RECQL5: variants seen among roughly 807,000 people sequenced by gnomAD.
The protein encoded by RECQL5 is RecQ like helicase 5, also known as ATP-dependent DNA helicase Q5.
A neutral mutation model predicts 103.4 loss-of-function variants in RECQL5; 88 were observed. The observed-to-expected ratio is 0.85, with a 90% CI of 0.72 to 1.02. The LOEUF is 1.02. Ranked by LOEUF, RECQL5 falls within the 50% of genes least tolerant of loss-of-function variation. The pLI, the probability that RECQL5 is intolerant of heterozygous loss-of-function variation, is 0.00. For missense variants in RECQL5, 1,232 were observed against 1,284.3 expected (o/e 0.96, Z 0.62); for synonymous variants, 552 against 507.9 (o/e 1.09, Z -1.17).
chr17:75,628,636 T>C, intron 17 of RECQL5, 36 bp downstream of exon 17: 1 of 1,559,486 alleles, frequency 6.4e-7, no homozygotes, highest in Non-Finnish European at 8.6e-7. Context: ...CCCACAGCCC[T>C]TCTCTCCTCC....
chr17:75,662,945 G>A lies in RECQL5; in HGVS notation c.305C>T (p.Ser102Leu), dbSNP rs945091698. The change falls in exon 4 of 20, where the codon TCG (serine) becomes TTG (leucine). Residue 102 changes from serine (S) to leucine (L), a missense_variant. Physicochemically the swap from Ser to Leu is moderately radical, Grantham distance 145. Coordinates refer to ENST00000317905, the MANE Select transcript of RECQL5 (RefSeq NM_004259.7). Reference sequence around the variant, plus strand: ...CTTCCTTTCCTGTGCAGAGAGCTTCGAGTTCAGGGAACTTACTCGTACCTT... The same window carrying A: ...CTTCCTTTCCTGTGCAGAGAGCTTCAAGTTCAGGGAACTTACTCGTACCTT... Reference protein sequence around the residue: ...TLKVRVSSLNSKLSAQERKEL... With the variant: ...TLKVRVSSLNLKLSAQERKEL... 65 of 1,613,764 alleles carry A rather than the reference G, an allele frequency of 4.0e-5. No individual in the cohort carries two copies. Among genetic ancestry groups the A allele is most frequent in the Admixed American group, 2.0e-4 (12 of 59,954 alleles).
intron 8 of RECQL5, among the ~76,000 whole-genome samples, chr17:75,648,139 T>C (rs1428611654): frequency 7.5e-6 from 1 of 133,876 alleles, no homozygotes; most frequent in African/African-American, 2.6e-5. Context: ...AGTTCTTGAA[T>C]ATGCTGTGTT....
At chr17:75,628,096 G>T in intron 18 of RECQL5, 122 bp downstream of exon 18, 1 of 842,822 alleles carries the variant, frequency 1.2e-6, no homozygotes, top group Non-Finnish European at 1.9e-6. Flanking sequence ...CCCCAGGGAG[G>T]ACGGGCGTGG....
At chr17:75,662,384 G>T in intron 4 of RECQL5, 95 bp downstream of exon 4, 1 of 1,338,058 alleles carries the variant, frequency 7.5e-7, no homozygotes, top group Non-Finnish European at 1.0e-6. Context: ...GGCTGAGAAA[G>T]CTAGAAAAAC....
intron 8 of RECQL5, chr17:75,634,329 T>A: frequency 6.6e-6 from 6 of 904,352 alleles, no homozygotes; most frequent in Non-Finnish European, 7.9e-6. Flanking sequence ...CTGGGTCGCT[T>A]CCCTGCAGGG....
Position 75,640,713 on chromosome 17 carries a change from A to T in RECQL5, c.1230-9045T>A. The T allele has an allele frequency of 6.6e-7, 1 of 1,516,602 alleles. No homozygotes were observed. The highest frequency in any genetic ancestry group is 2.5e-5 in the East Asian group (1 of 40,266). The allele number at this position is 1,516,602 out of a possible 1,614,324, so 93.9% of individuals were successfully genotyped here. A position where few individuals can be genotyped will look rare whatever the true frequency, so the allele number is the denominator to read the frequency against. ...CTGTGGGGGAAAGACCCTGGCAGGC[A>T]GTGGGTTTCTCTGGGAGGAGGGTGG... On this transcript the variant is annotated intron_variant, in intron 8 of 19. Transcript: ENST00000317905. This position sits in a 1 kb window ranked among gnomAD's most constrained non-coding sequence, Gnocchi z 4.6.
chr17:75,643,662 G>A (rs1406968553), intron 8 of RECQL5, among the ~76,000 whole-genome samples: 2 of 152,246 alleles, frequency 1.3e-5, no homozygotes, highest in African/African-American at 4.8e-5. Context: ...CTGTGGGAAA[G>A]AATAAACAGA....
In RECQL5 at chr17:75,630,988, T is replaced by G. The variant is rs758239335; in HGVS notation, c.1571A>C (p.Glu524Ala). The G allele has an allele frequency of 6.2e-7, 1 of 1,613,820 alleles. No individual in the cohort carries two copies. The highest frequency in any genetic ancestry group is 1.1e-5 in the South Asian group (1 of 91,044). Residue 524 changes from glutamate (E) to alanine (A), a missense_variant, in exon 11 of 20, where the codon GAA (glutamate) becomes GCA (alanine). Glu to Ala is a moderately radical substitution (Grantham distance 107). Coordinates refer to ENST00000317905, the MANE Select transcript of RECQL5 (RefSeq NM_004259.7). ...LRKGKDPKIE[E>A]FVPPDENCPL... ...TCTGTACTGACCTGGGGGTACAAAT[T>G]CTTCTATCTTGGGGTCTTTGCCCTG... is the stretch of plus-strand genomic sequence containing the variant.
intron 3 of RECQL5, among the ~76,000 whole-genome samples, chr17:75,664,723 G>A (rs893979483): frequency 2.0e-5 from 3 of 151,812 alleles, no homozygotes; most frequent in African/African-American, 7.3e-5. Context: ...GACCAGCCTG[G>A]CCAACATGGT....
At chr17:75,663,362 A>C (rs1190554185) in intron 3 of RECQL5, among the ~76,000 whole-genome samples, 2 of 152,062 alleles carry the variant, frequency 1.3e-5, no homozygotes, top group Non-Finnish European at 2.9e-5. Context: ...GTGCACATGT[A>C]CCTAGAACTT....
Position 75,640,891 on chromosome 17 carries a change from AC to A in RECQL5, c.1230-9224del. On this transcript the variant is annotated intron_variant, in intron 8 of 19. Coordinates refer to ENST00000317905, the MANE Select transcript of RECQL5 (RefSeq NM_004259.7). The surrounding 1 kb of genome is among the most constrained non-coding windows in gnomAD (Gnocchi z 4.6). Reference sequence around the variant, plus strand: ...GGAAGGTCCAGGTGCAGCCGACACCACCATGACGGACGGGCGATGGCTGAGG... The same window carrying A: ...GGAAGGTCCAGGTGCAGCCGACACCACATGACGGACGGGCGATGGCTGAGG... The A allele has an allele frequency of 6.5e-7, 1 of 1,544,334 alleles. No homozygotes were observed. The highest frequency in any genetic ancestry group is 1.2e-5 in the South Asian group (1 of 84,060).
At chr17:75,632,205 T>G (rs541628451) in intron 8 of RECQL5, among the ~76,000 whole-genome samples, 1 of 152,352 alleles carries the variant, frequency 6.6e-6, no homozygotes, top group Admixed American at 6.5e-5. Context: ...ATTTCTACTG[T>G]ACTTTTTCTA....
intron 8 of RECQL5, chr17:75,646,141 T>C (rs1568273791): frequency 6.6e-6 from 1 of 151,396 alleles, no homozygotes; most frequent in African/African-American, 2.4e-5. Context: ...GCTGAGGCCG[T>C]GCCCAGGGAG....
At chr17:75,663,148 T>A (rs1250805220) in intron 3 of RECQL5, 151 bp from the exon 4 acceptor site, 4 of 773,246 alleles carry the variant, frequency 5.2e-6, no homozygotes, top group Non-Finnish European at 8.1e-6. Flanking sequence ...TTGAATATCC[T>A]TTATCAAATG....
At chr17:75,661,354 T>C (rs1456993685) in intron 5 of RECQL5, among the ~76,000 whole-genome samples, 1 of 152,210 alleles carries the variant, frequency 6.6e-6, no homozygotes, top group Non-Finnish European at 1.5e-5. Flanking sequence ...CACCATTACC[T>C]TGGCTTGTAA....
At chr17:75,648,430 G>A (rs2059514151) in intron 8 of RECQL5, among the ~76,000 whole-genome samples, 2 of 152,056 alleles carry the variant, frequency 1.3e-5, no homozygotes, top group Admixed American at 1.3e-4. Flanking sequence ...CTAGAGTGCG[G>A]TGGCGCTATC....
intron 3 of RECQL5, among the ~76,000 whole-genome samples, chr17:75,663,339 T>G (rs2059723924): frequency 6.6e-6 from 1 of 151,960 alleles, no homozygotes; most frequent in East Asian, 1.9e-4. Flanking sequence ...TTTAATAATT[T>G]TGACATGACG....
At chr17:75,664,594 C>T (rs942608112) in intron 3 of RECQL5, among the ~76,000 whole-genome samples, 3 of 152,046 alleles carry the variant, frequency 2.0e-5, no homozygotes, top group African/African-American at 7.2e-5. Context: ...CCCAATATAG[C>T]GAATGAGATA....
chr17:75,657,951 G>C (rs2059648032), intron 7 of RECQL5, among the ~76,000 whole-genome samples: 1 of 152,044 alleles, frequency 6.6e-6, no homozygotes, highest in Non-Finnish European at 1.5e-5. Flanking sequence ...AGGAGGCTGA[G>C]GCAGAAGAAT....
Sources: allele counts gnomAD v4.1 joint callset (sites outside exome capture counted in the v4.1 genomes callset), GRCh38; gene constraint gnomAD v4.1.1; non-coding constraint Gnocchi (gnomAD v3.1); transcripts MANE v1.5; gene names NCBI Gene and HGNC (gene_info 2026-07-23, HGNC 2026-07-21).